HSD17B4: variants seen among roughly 807,000 people sequenced by gnomAD.
The protein encoded by HSD17B4 is hydroxysteroid 17-beta dehydrogenase 4, also known as peroxisomal multifunctional enzyme type 2.
Under a neutral mutation model 101.0 loss-of-function variants are expected in HSD17B4, and 70 were observed. That is an observed-to-expected ratio of 0.69 (90% CI 0.57 to 0.85). The LOEUF is 0.85. Ranked by LOEUF, HSD17B4 falls within the 40% of genes least tolerant of loss-of-function variation. The probability of loss-of-function intolerance (pLI) is 0.00; values close to 1 mark genes in which losing one functional copy is unlikely to be tolerated. For synonymous variants in HSD17B4, 347 were observed against 297.1 expected, an observed-to-expected ratio of 1.17 and a Z score of -1.73; for missense variants, 984 against 892.4, an observed-to-expected ratio of 1.10 and a Z score of -1.31.
chr5:119,519,523 T>C (rs185110904), intron 17 of HSD17B4, among the ~76,000 whole-genome samples: 29 of 152,278 alleles, frequency 1.9e-4, no homozygotes, highest in African/African-American at 6.5e-4. Context: ...TGTAGAGAAA[T>C]CATGGATGCT....
At chr5:119,526,159 G>A in intron 19 of HSD17B4, 136 bp downstream of exon 19, 3 of 663,744 alleles carry the variant, frequency 4.5e-6, no homozygotes, top group Non-Finnish European at 8.2e-6. Context: ...CATTGACCTG[G>A]CAATCAGCAC....
chr5:119,479,480 TAAGCTA>T (rs1748913800), intron 8 of HSD17B4, among the ~76,000 whole-genome samples: 1 of 152,198 alleles, frequency 6.6e-6, no homozygotes, highest in Non-Finnish European at 1.5e-5. Context: ...GCCGTTATGA[TAAGCTA>T]AAGTTCGTCG....
chr5:119,531,323 A>G lies in HSD17B4; in HGVS notation c.1912A>G (p.Ile638Val), dbSNP rs149463020. ...GGAAATAGGACGCCGCCTAAAGGAT[A>G]TTGGGCCTGAGGTGGTGAAGAAAGT... ...FEEIGRRLKD[I>V]GPEVVKKVNA... Residue 638 changes from isoleucine (I) to valine (V), a missense_variant, in exon 22 of 24, where the codon ATT becomes GTT. Physicochemically the swap from Ile to Val is conservative, Grantham distance 29 (BLOSUM62 3). Transcript: ENST00000510025. 1.2e-6 allele frequency: 2 copies of G among 1,612,984 alleles called. No individual in the cohort carries two copies. The highest frequency in any genetic ancestry group is 1.7e-6 in the Non-Finnish European group (2 of 1,179,106).
At chr5:119,493,745 A>G in intron 10 of HSD17B4, 73 bp from the exon 11 acceptor site, 1 of 1,355,702 alleles carries the variant, frequency 7.4e-7, no homozygotes, top group Non-Finnish European at 1.1e-6. Flanking sequence ...TTAAAAATGA[A>G]AGGGTTCTTA....
chr5:119,520,562 G>T (rs1258531359), intron 17 of HSD17B4, among the ~76,000 whole-genome samples: 3 of 152,306 alleles, frequency 2.0e-5, no homozygotes, highest in East Asian at 3.9e-4. Flanking sequence ...TGCAGTCTGG[G>T]AACTGCTGTC....
chr5:119,465,777 A>G (rs570134897), intron 2 of HSD17B4, among the ~76,000 whole-genome samples: 17 of 152,320 alleles, frequency 1.1e-4, no homozygotes, highest in African/African-American at 3.8e-4. Context: ...AAACAGGAAC[A>G]GTTTGATGTC....
intron 16 of HSD17B4, among the ~76,000 whole-genome samples, chr5:119,510,767 A>G (rs1752095306): frequency 6.6e-6 from 1 of 152,202 alleles, no homozygotes; most frequent in African/African-American, 2.4e-5. Context: ...CTGGCTGAGC[A>G]TGACAGAAAC....
At chr5:119,462,248 A>ATTTTTTTTTTTTTT (rs10524491) in intron 2 of HSD17B4, among the ~76,000 whole-genome samples, 5 of 30,040 alleles carry the variant, frequency 1.7e-4, no homozygotes, top group African/African-American at 4.8e-4. Flanking sequence ...AACAAATGTG[A>ATTTTTTTTTTTTTT]TTTTTTTTTT....
chr5:119,514,008 A>G (rs947778693), intron 16 of HSD17B4, among the ~76,000 whole-genome samples: 7 of 152,322 alleles, frequency 4.6e-5, no homozygotes, highest in East Asian at 1.9e-4. Flanking sequence ...AGAAATTTTA[A>G]AAGACTGCTC....
rs561984163 is a variant in HSD17B4, at chr5:119,474,391, T to G, written c.221-10T>G. Reference sequence around the variant, plus strand: ...TGCCGAAATTTCATACAAATTTTCCTTTCCCTCAGATTCAGTGGAAGAAGG... The same window carrying G: ...TGCCGAAATTTCATACAAATTTTCCGTTCCCTCAGATTCAGTGGAAGAAGG... On this transcript the variant is annotated splice_polypyrimidine_tract_variant and intron_variant, in intron 3 of 23. Coordinates refer to ENST00000510025, the MANE Select transcript of HSD17B4 (RefSeq NM_000414.4). 3 of 1,598,480 alleles carry G rather than the reference T, an allele frequency of 1.9e-6. No homozygotes were observed. Among genetic ancestry groups the G allele is most frequent in the Middle Eastern group, 1.7e-4 (1 of 6,028 alleles).
intron 23 of HSD17B4, 50 bp downstream of exon 23, chr5:119,536,600 T>C: frequency 6.3e-7 from 1 of 1,587,158 alleles, no homozygotes; most frequent in Non-Finnish European, 8.6e-7. Context: ...TTTCCTCTTT[T>C]GACAATTGCA....
intron 16 of HSD17B4, among the ~76,000 whole-genome samples, chr5:119,511,166 G>T (rs1221446339): frequency 2.0e-5 from 3 of 152,218 alleles, no homozygotes; most frequent in African/African-American, 7.2e-5. Flanking sequence ...TCTGCCTAGA[G>T]GGAGAGGAAG....
chr5:119,497,709 A>T (rs1750774085), intron 12 of HSD17B4, among the ~76,000 whole-genome samples: 1 of 152,154 alleles, frequency 6.6e-6, no homozygotes, highest in Admixed American at 6.5e-5. Context: ...CAAAAAAATT[A>T]TTTTCTAAGC....
At chr5:119,509,094 C>G (rs1030098163) in intron 15 of HSD17B4, 47 bp from the exon 16 acceptor site, 2 of 1,019,820 alleles carry the variant, frequency 2.0e-6, no homozygotes, top group Non-Finnish European at 3.1e-6. Flanking sequence ...ACTAGTTATG[C>G]CTTTTGGTGG....
chr5:119,488,009 A>G (rs1749761061), intron 8 of HSD17B4, among the ~76,000 whole-genome samples: 1 of 152,138 alleles, frequency 6.6e-6, no homozygotes, highest in African/African-American at 2.4e-5. Context: ...TTTTTAATTT[A>G]CAGGACTATA....
rs770662160 is a variant in HSD17B4, at chr5:119,536,438, G to A, written c.2009G>A (p.Ser670Asn). 7 of 1,612,420 alleles carry A rather than the reference G, an allele frequency of 4.3e-6. No individual in the cohort carries two copies. The East Asian group carries it at 8.9e-5, about 21-fold the overall frequency. ...IGAKWTIDLK[S>N]GSGKVYQGPA... ...TTTTTCCCAGCTATTGACCTGAAAA[G>A]TGGTTCTGGAAAAGTGTACCAAGGC... Residue 670 changes from serine (S) to asparagine (N), a missense_variant, in exon 23 of 24, where the codon AGT becomes AAT. Coordinates refer to ENST00000510025, the MANE Select transcript of HSD17B4 (RefSeq NM_000414.4).
At chr5:119,528,511 C>T (rs1753794070) in intron 20 of HSD17B4, among the ~76,000 whole-genome samples, 1 of 152,156 alleles carries the variant, frequency 6.6e-6, no homozygotes, top group Non-Finnish European at 1.5e-5. Flanking sequence ...CCCATAGATA[C>T]ACTCAAATTG....
chr5:119,535,741 C>G (rs991128414), intron 22 of HSD17B4: 5 of 149,640 alleles, frequency 3.3e-5, no homozygotes, highest in African/African-American at 1.2e-4. Context: ...CAAATAATTC[C>G]TAAGTATTTT....
chr5:119,471,667 A>T lies in HSD17B4; in HGVS notation c.113-2241A>T, dbSNP rs532183192. 11 of 1,471,190 alleles carry T rather than the reference A, an allele frequency of 7.5e-6. No homozygotes were observed. In the East Asian group the frequency reaches 7.6e-5, roughly 10 times the overall value. 91.1% of individuals were successfully genotyped at this position (1,471,190 alleles called of 1,614,324 possible). A position where few individuals can be genotyped will look rare whatever the true frequency, so the allele number is the denominator to read the frequency against. ...AAATCTATGCAATAACCCTATGGAG[A>T]AGATCATTTCACAATGCAGATTCTT... On this transcript the variant is annotated intron_variant, in intron 2 of 23. Coordinates refer to ENST00000510025, the MANE Select transcript of HSD17B4 (RefSeq NM_000414.4).
Sources: gnomAD v4.1 joint callset for allele counts (sites outside exome capture counted in the v4.1 genomes callset) on GRCh38, gnomAD v4.1.1 for gene constraint, MANE v1.5 for transcripts, NCBI Gene and HGNC (gene_info 2026-07-23, HGNC 2026-07-21) for gene names.